MGRN1: variants seen among roughly 807,000 people sequenced by gnomAD.
The protein encoded by MGRN1 is mahogunin ring finger 1.
MGRN1 carries 29 observed loss-of-function variants against 69.2 expected under a neutral mutation model. The observed-to-expected ratio is 0.42, with a 90% CI of 0.31 to 0.57. MGRN1 has a LOEUF of 0.57. Among genes scored for constraint, MGRN1 ranks in the 20% least tolerant of loss-of-function variants. The pLI, the probability that MGRN1 is intolerant of heterozygous loss-of-function variation, is 0.15. For missense variants in MGRN1, 998 were observed against 796.2 expected (o/e 1.25, Z -3.05); for synonymous variants, 470 against 344.2 (o/e 1.37, Z -4.04).
rs555862599 is a variant in MGRN1 at position 4,661,047 on chromosome 16, T to C, written c.562-3662T>C. On this transcript the variant is annotated intron_variant, in intron 5 of 16. Transcript: ENST00000262370. The stretch of plus-strand genomic sequence containing the variant: ...CCCAGGCTGGAGTGCAGTGGCACAA[T>C]CACAGCTTGCCGCAGCCTCGAACTC... Among the ~76,000 whole-genome samples, 15 of 152,188 alleles carry C rather than the reference T, an allele frequency of 9.9e-5. 1 individual carries two copies. The South Asian group carries it at 3.1e-3, about 32-fold the overall frequency.
Position 4,652,732 on chromosome 16 carries a change from C to G in MGRN1, c.351C>G (p.Leu117=). ...AGGACGGCGACAAGCCCCGGGTGCT[C>G]TACAGCCTGGAGTTCACCTTCGACG... ...PTEDGDKPRV[L]YSLEFTFDAD... Residue 117 remains leucine, a synonymous_variant, in exon 4 of 17, where the codon CTC becomes CTG. Transcript: ENST00000262370. 2 of 1,613,388 alleles carry G rather than the reference C, an allele frequency of 1.2e-6. No homozygotes were observed. The highest frequency in any genetic ancestry group is 1.7e-6 in the Non-Finnish European group (2 of 1,179,696).
chr16:4,688,642 G>A (rs1436526335), intron 16 of MGRN1, 154 bp from the exon 17 acceptor site: 20 of 1,417,188 alleles, frequency 1.4e-5, no homozygotes, highest in Non-Finnish European at 1.8e-5. Flanking sequence ...GGCCCTTGGT[G>A]TGCTCACATC....
intron 7 of MGRN1, among the ~76,000 whole-genome samples, chr16:4,666,107 G>T (rs2078799481): frequency 6.6e-6 from 1 of 151,884 alleles, no homozygotes; most frequent in Admixed American, 6.6e-5. Flanking sequence ...TGGATTACAG[G>T]TGTGAGCCAC....
chr16:4,679,955 C>T, intron 11 of MGRN1, 77 bp from the exon 12 acceptor site: 1 of 1,361,030 alleles, frequency 7.3e-7, no homozygotes, highest in Non-Finnish European at 1.0e-6. Context: ...AAGAGGACAG[C>T]CAGTCAGACC....
chr16:4,668,359 A>G lies in MGRN1; in HGVS notation c.726+47A>G, dbSNP rs1347963514. On this transcript the variant is annotated intron_variant, in intron 8 of 16. Coordinates refer to ENST00000262370, the MANE Select transcript of MGRN1 (RefSeq NM_015246.4). ...GACGTGCTTGAATTAAAAGACACAC[A>G]TATACAATCACTCACACGCATACTC... 1.9e-6 allele frequency: 3 copies of G among 1,595,984 alleles called. No homozygotes were observed. The African/African-American group carries it at 4.0e-5, about 21-fold the overall frequency.
At chr16:4,670,182 G>T (rs1361039073) in intron 8 of MGRN1, among the ~76,000 whole-genome samples, 2 of 151,388 alleles carry the variant, frequency 1.3e-5, no homozygotes, top group Admixed American at 1.3e-4. Context: ...TCTCGTTCAG[G>T]CTCCCAAGTA....
chr16:4,629,820 C>T (rs1378263099), intron 1 of MGRN1, among the ~76,000 whole-genome samples: 1 of 150,740 alleles, frequency 6.6e-6, no homozygotes, highest in African/African-American at 2.4e-5. Flanking sequence ...CTGAGGTGGG[C>T]GGATCACCTG....
At chr16:4,660,826 A>G (rs955592430) in intron 5 of MGRN1, among the ~76,000 whole-genome samples, 2 of 152,174 alleles carry the variant, frequency 1.3e-5, no homozygotes, top group Non-Finnish European at 2.9e-5. Flanking sequence ...CAGTCCCAGC[A>G]TGATCAGCCC....
chr16:4,652,590 C>T, intron 3 of MGRN1, 88 bp from the exon 4 acceptor site: 1 of 1,483,974 alleles, frequency 6.7e-7, no homozygotes, highest in Non-Finnish European at 9.0e-7. Context: ...ATAGCCACCT[C>T]CACGGCCCCT....
intron 1 of MGRN1, among the ~76,000 whole-genome samples, 195 bp downstream of exon 1, chr16:4,625,243 C>T (rs1355212844): frequency 6.6e-6 from 1 of 152,190 alleles, no homozygotes; most frequent in African/African-American, 2.4e-5. Flanking sequence ...CTGCCCGAGC[C>T]GTACCTGGCG....
intron 1 of MGRN1, chr16:4,639,962 G>A (rs1328818359): frequency 6.6e-6 from 1 of 152,326 alleles, no homozygotes; most frequent in Non-Finnish European, 1.5e-5. Flanking sequence ...TGTTTGCTGC[G>A]GCTCCTCTGC....
Position 4,662,406 on chromosome 16 carries a change from C to T in MGRN1, c.562-2303C>T, listed in dbSNP as rs548312073. Reference sequence around the variant, plus strand: ...TGGCGGGCGCCTATAATCCCAGTTACTTGGGAGGCTGAGGCAGGAGAATTG... The same window carrying T: ...TGGCGGGCGCCTATAATCCCAGTTATTTGGGAGGCTGAGGCAGGAGAATTG... On this transcript the variant is annotated intron_variant, in intron 5 of 16. Transcript: ENST00000262370. Among the ~76,000 whole-genome samples the T allele has an allele frequency of 1.1e-4, 17 of 151,858 alleles. No homozygotes were observed. In the East Asian group the frequency reaches 2.9e-3, roughly 26 times the overall value.
At chr16:4,653,988 G>A (rs529901178) in intron 4 of MGRN1, among the ~76,000 whole-genome samples, 51 of 152,270 alleles carry the variant, frequency 3.3e-4, no homozygotes, top group Admixed American at 3.3e-4. Flanking sequence ...TCGACCTCAG[G>A]TGATCCACCT....
chr16:4,688,657 T>C, intron 16 of MGRN1, 139 bp from the exon 17 acceptor site: 2 of 1,437,620 alleles, frequency 1.4e-6, no homozygotes, highest in Middle Eastern at 2.3e-4. Flanking sequence ...CACATCTGAG[T>C]GAATGCTGTT....
intron 13 of MGRN1, 151 bp downstream of exon 13, chr16:4,681,927 G>C: frequency 1.2e-6 from 1 of 825,534 alleles, no homozygotes; most frequent in Non-Finnish European, 1.8e-6. Flanking sequence ...TAGACTCATG[G>C]GTAAAGTTTA....
chr16:4,684,071 C>A, intron 16 of MGRN1, 139 bp downstream of exon 16: 2 of 773,386 alleles, frequency 2.6e-6, no homozygotes, highest in South Asian at 1.8e-5. Flanking sequence ...CTCAGCCATG[C>A]CCCTGCTATT....
intron 16 of MGRN1, among the ~76,000 whole-genome samples, chr16:4,684,588 C>T (rs1325065001): frequency 6.6e-6 from 1 of 152,264 alleles, no homozygotes; most frequent in African/African-American, 2.4e-5. Flanking sequence ...GGCAGCAAGG[C>T]TGGGACAGAG....
intron 1 of MGRN1, among the ~76,000 whole-genome samples, chr16:4,630,766 T>G (rs1353467260): frequency 6.6e-6 from 1 of 151,726 alleles, no homozygotes; most frequent in Non-Finnish European, 1.5e-5. Context: ...TTTTATAGTT[T>G]TAGCTCTTAC....
At position 4,664,727 on chromosome 16, in the gene MGRN1, C is replaced by T. The variant is rs762380681; in HGVS notation, c.580C>T (p.Arg194Trp). The change falls in exon 6 of 17, where the codon CGG (arginine) becomes TGG (tryptophan). Residue 194 changes from arginine to tryptophan, a missense_variant. Transcript: ENST00000262370. ...TCCTCAGCTGAACTTTGACCTGGACCGGGGCGTGTTTCCAGTAGTCATCCA... is the reference window on the plus strand; with the variant it reads ...TCCTCAGCTGAACTTTGACCTGGACTGGGGCGTGTTTCCAGTAGTCATCCA... ...KDDELNFDLDRGVFPVVIQAV... is the reference protein window; with the variant it reads ...KDDELNFDLDWGVFPVVIQAV... 26 of 1,614,066 alleles carry T rather than the reference C, an allele frequency of 1.6e-5. No individual in the cohort carries two copies. The highest frequency in any genetic ancestry group is 3.3e-5 in the Admixed American group (2 of 59,990).
Sources: gnomAD v4.1 joint callset for allele counts (sites outside exome capture counted in the v4.1 genomes callset) on GRCh38, gnomAD v4.1.1 for gene constraint, MANE v1.5 for transcripts, NCBI Gene and HGNC (gene_info 2026-07-23, HGNC 2026-07-21) for gene names.